RBM20: variants seen among roughly 807,000 people sequenced by gnomAD.
RBM20 encodes RNA-binding protein 20.
A neutral mutation model predicts 110.1 loss-of-function variants in RBM20; 51 were observed. That is an observed-to-expected ratio of 0.46 (90% confidence interval 0.37 to 0.59). The LOEUF (loss-of-function observed/expected upper bound fraction) is 0.59, where lower values mean the gene tolerates loss of function less well. Among genes scored for constraint, RBM20 ranks in the 20% least tolerant of loss-of-function variants. RBM20 has a pLI of 0.00. For synonymous variants in RBM20, 589 were observed against 618.2 expected (o/e 0.95, Z 0.70); for missense variants, 1,512 against 1,574.9 (o/e 0.96, Z 0.68).
intron 8 of RBM20, among the ~76,000 whole-genome samples, chr10:110,811,417 C>T (rs750474353): frequency 3.3e-5 from 5 of 152,116 alleles, no homozygotes; most frequent in Non-Finnish European, 7.4e-5. Flanking sequence ...TATCTTTGTA[C>T]GTAACTGTTC....
chr10:110,722,355 C>T (rs529860139), intron 1 of RBM20, among the ~76,000 whole-genome samples: 22 of 152,110 alleles, frequency 1.4e-4, no homozygotes, highest in Non-Finnish European at 2.8e-4. Flanking sequence ...ACAACCTCCC[C>T]CATTATCAGC....
At chr10:110,692,629 A>G (rs1862602463) in intron 1 of RBM20, among the ~76,000 whole-genome samples, 1 of 145,468 alleles carries the variant, frequency 6.9e-6, no homozygotes, top group Admixed American at 6.9e-5. Flanking sequence ...AGCTATAACC[A>G]TTGTGTGTGT....
intron 1 of RBM20, among the ~76,000 whole-genome samples, chr10:110,717,651 G>A (rs1189646951): frequency 6.6e-6 from 1 of 152,182 alleles, no homozygotes; most frequent in African/African-American, 2.4e-5. Context: ...TTCAGATCTT[G>A]TTCACTTGTG....
rs757574546 is a variant in RBM20, at chr10:110,781,787, C to A, written c.1178C>A (p.Pro393His). The change falls in exon 2 of 14, where the codon CCC (proline) becomes CAC (histidine). Residue 393 changes from proline (P) to histidine (H), a missense_variant. Physicochemically the swap from Pro to His is moderately conservative, Grantham distance 77 (BLOSUM62 -2). Transcript: ENST00000369519. The stretch of plus-strand genomic sequence containing the variant: ...GACCAGGCGTTGCTATCTGTGCGGC[C>A]CCTGCAGGCTCATGAGCTGAACGAC... The part of the protein sequence containing the change: ...KEDQALLSVR[P>H]LQAHELNDFH... 2 of 1,551,810 alleles carry A rather than the reference C, an allele frequency of 1.3e-6. No homozygotes were observed. The highest frequency in any genetic ancestry group is 8.7e-7 in the Non-Finnish European group (1 of 1,147,016).
At chr10:110,787,315 T>C (rs1844430716) in intron 5 of RBM20, among the ~76,000 whole-genome samples, 1 of 152,214 alleles carries the variant, frequency 6.6e-6, no homozygotes, top group Non-Finnish European at 1.5e-5. Flanking sequence ...AGATCCAGTA[T>C]TGTCCTGCCC....
intron 1 of RBM20, among the ~76,000 whole-genome samples, chr10:110,755,502 A>G (rs1843910125): frequency 6.6e-6 from 1 of 152,226 alleles, no homozygotes; most frequent in Non-Finnish European, 1.5e-5. Flanking sequence ...CTCGTAGGAA[A>G]TAGCTATTAC....
chr10:110,770,826 T>C (rs868827893), intron 1 of RBM20, among the ~76,000 whole-genome samples: 1 of 152,334 alleles, frequency 6.6e-6, no homozygotes, highest in South Asian at 2.1e-4. Context: ...CATCCCAACA[T>C]CGTGTAGATT....
chr10:110,807,125 C>T (rs1436452797), intron 7 of RBM20, among the ~76,000 whole-genome samples: 1 of 152,244 alleles, frequency 6.6e-6, no homozygotes, highest in Non-Finnish European at 1.5e-5. Flanking sequence ...TCATTCTCTG[C>T]AGCCACATCC....
upstream of RBM20, among the ~76,000 whole-genome samples, chr10:110,643,930 G>A (rs1861824872): frequency 6.6e-6 from 1 of 152,144 alleles, no homozygotes. Flanking sequence ...CGGTCCGCCC[G>A]GCTTGGCAGG....
intron 1 of RBM20, among the ~76,000 whole-genome samples, chr10:110,659,585 A>C (rs1282761945): frequency 6.6e-6 from 1 of 152,222 alleles, no homozygotes; most frequent in East Asian, 1.9e-4. Flanking sequence ...TAAATGGTGG[A>C]AATGACCACT....
chr10:110,685,530 A>G (rs763089265), intron 1 of RBM20, among the ~76,000 whole-genome samples: 1 of 152,166 alleles, frequency 6.6e-6, no homozygotes, highest in African/African-American at 2.4e-5. Context: ...TTTCTTTGCT[A>G]TTTTGGTTAG....
chr10:110,747,572 A>G (rs1384654560), intron 1 of RBM20, among the ~76,000 whole-genome samples: 1 of 152,218 alleles, frequency 6.6e-6, no homozygotes, highest in African/African-American at 2.4e-5. Context: ...ATCGTGGGTT[A>G]CAATGCTTCT....
Position 110,729,919 on chromosome 10 carries a change from G to A in RBM20, c.192-50882G>A, listed in dbSNP as rs190053159. 6.4e-3 allele frequency among the ~76,000 whole-genome samples: 973 copies of A among 152,324 alleles called. 9 individuals carry two copies. Among genetic ancestry groups the A allele is most frequent in the South Asian group, 0.013 (61 of 4,832 alleles). ...CGACCTACGCCTCCCAGGTTCAAGT[G>A]ATTCGCCTGCCTCAGCCTCCTGAGT... On this transcript the variant is annotated intron_variant, in intron 1 of 13. Transcript: ENST00000369519.
chr10:110,830,798 T>C (rs1170661143), intron 12 of RBM20, among the ~76,000 whole-genome samples: 1 of 152,184 alleles, frequency 6.6e-6, no homozygotes, highest in Non-Finnish European at 1.5e-5. Flanking sequence ...CGGCAGGCCA[T>C]GGAATGGCTA....
intron 1 of RBM20, among the ~76,000 whole-genome samples, chr10:110,763,009 G>T (rs924064140): frequency 6.6e-6 from 1 of 152,184 alleles, no homozygotes. Flanking sequence ...CAGGAGCTGG[G>T]ACTGGCGCTT....
At chr10:110,664,771 TAAATAA>T (rs1376118451) in intron 1 of RBM20, among the ~76,000 whole-genome samples, 3 of 149,584 alleles carry the variant, frequency 2.0e-5, no homozygotes, top group Non-Finnish European at 4.4e-5. Flanking sequence ...AAAAAGAAAA[TAAATAA>T]AAATAAAAAA....
chr10:110,644,124 G>A (rs938965121), upstream of RBM20, among the ~76,000 whole-genome samples: 1 of 152,116 alleles, frequency 6.6e-6, no homozygotes, highest in African/African-American at 2.4e-5. This position sits in a 1 kb window ranked among gnomAD's most constrained non-coding sequence, Gnocchi z 4.3. Context: ...CGTACGCCGC[G>A]CTCCCTCCCC....
intron 1 of RBM20, among the ~76,000 whole-genome samples, chr10:110,731,383 T>G (rs984949038): frequency 6.6e-6 from 1 of 152,236 alleles, no homozygotes; most frequent in African/African-American, 2.4e-5. Flanking sequence ...AAGAATGGAC[T>G]CAATGAAGAG....
chr10:110,700,534 G>C (rs1313685971), intron 1 of RBM20, among the ~76,000 whole-genome samples: 1 of 152,148 alleles, frequency 6.6e-6, no homozygotes, highest in Non-Finnish European at 1.5e-5. Context: ...CAGAGGCCTA[G>C]GTTTGGTTTG....
Sources: gnomAD v4.1 joint callset for allele counts (sites outside exome capture counted in the v4.1 genomes callset) on GRCh38, gnomAD v4.1.1 for gene constraint, Gnocchi (gnomAD v3.1) non-coding constraint, MANE v1.5 for transcripts, NCBI Gene and HGNC (gene_info 2026-07-23, HGNC 2026-07-21) for gene names.